Variants in STX11 observed in about 807,000 individuals in gnomAD.
The protein encoded by STX11 is syntaxin-11.
In STX11, 21 loss-of-function variants were observed where a neutral mutation model predicts 19.9. The observed-to-expected ratio is 1.06, with a 90% CI of 0.75 to 1.52. The LOEUF (loss-of-function observed/expected upper bound fraction) is 1.52. Among genes scored for constraint, STX11 ranks in the 40% most tolerant of loss-of-function variants. The pLI is 0.00. For synonymous variants in STX11, 193 were observed against 174.4 expected (o/e 1.11, Z -0.84); for missense variants, 438 against 405.9 (o/e 1.08, Z -0.68).
chr6:144,178,442 C>T (rs1801826982), intron 1 of STX11, among the ~76,000 whole-genome samples: 1 of 152,222 alleles, frequency 6.6e-6, no homozygotes. Context: ...CTACAGAAAG[C>T]ATCTGAAAGC....
Position 144,174,138 on chromosome 6 carries a change from A to G in STX11, c.-5-12485A>G, listed in dbSNP as rs1035045416. ...CTCGAGTACTGCTCAGCTGGGCATCATCTTCCTGCAGGCTAGCCCAGGCTT... is the reference window on the plus strand; with the variant it reads ...CTCGAGTACTGCTCAGCTGGGCATCGTCTTCCTGCAGGCTAGCCCAGGCTT... On this transcript the variant is annotated intron_variant, in intron 1 of 1. Coordinates refer to ENST00000367568, the MANE Select transcript of STX11 (RefSeq NM_003764.4). This position sits in a 1 kb window ranked among gnomAD's most constrained non-coding sequence, Gnocchi z 5.3. 6.6e-6 allele frequency among the ~76,000 whole-genome samples: 1 copy of G among 152,202 alleles called. No homozygotes were observed. Among genetic ancestry groups the G allele is most frequent in the Non-Finnish European group, 1.5e-5 (1 of 68,042 alleles).
Position 144,188,717 on chromosome 6 carries a change from TC to T in STX11, c.*1227del, listed in dbSNP as rs1173503567. On this transcript the variant is annotated 3_prime_UTR_variant, in exon 2 of 2. Coordinates refer to ENST00000367568, the MANE Select transcript of STX11 (RefSeq NM_003764.4). ...CTTTCTCAATTATTGTTAAAATTTTTCTTTTTCCTTTTTTTTTTTTTTTTTT... is the reference window on the plus strand; with the variant it reads ...CTTTCTCAATTATTGTTAAAATTTTTTTTTTCCTTTTTTTTTTTTTTTTTT... 6.7e-6 allele frequency among the ~76,000 whole-genome samples: 1 copy of T among 148,564 alleles called. No individual in the cohort carries two copies. Among genetic ancestry groups the T allele is most frequent in the African/African-American group, 2.5e-5 (1 of 39,534 alleles).
In STX11 at chr6:144,186,685, C is replaced by T. The variant is rs770639837; in HGVS notation, c.58C>T (p.Pro20Ser). 7 of 1,614,072 alleles carry T rather than the reference C, an allele frequency of 4.3e-6. No homozygotes were observed. The South Asian group carries it at 6.6e-5, about 15-fold the overall frequency. Residue 20 changes from proline (P) to serine (S), a missense_variant, in exon 2 of 2, where the codon CCA becomes TCA. Pro to Ser is a moderately conservative substitution (Grantham distance 74, BLOSUM62 -1). Coordinates refer to ENST00000367568, the MANE Select transcript of STX11 (RefSeq NM_003764.4). The stretch of plus-strand genomic sequence containing the variant: ...GTCCAAGCAATATGACCAGCAGTTC[C>T]CAGACGGGGACGATGAGTTTGACTC... Reference protein sequence around the residue: ...DLSKQYDQQFPDGDDEFDSPH... With the variant: ...DLSKQYDQQFSDGDDEFDSPH...
intron 1 of STX11, among the ~76,000 whole-genome samples, chr6:144,157,000 G>A (rs949205846): frequency 3.3e-5 from 5 of 152,204 alleles, no homozygotes; most frequent in Non-Finnish European, 5.9e-5. Flanking sequence ...GACCACCCAA[G>A]ATTGCCCAAG....
At chr6:144,163,299 G>A (rs772409042) in intron 1 of STX11, among the ~76,000 whole-genome samples, 7 of 152,032 alleles carry the variant, frequency 4.6e-5, no homozygotes, top group African/African-American at 9.7e-5. Context: ...TGGGCTAGGC[G>A]TCATGGCTTA....
Position 144,188,485 on chromosome 6 carries a change from G to A in STX11, c.*994G>A, listed in dbSNP as rs974109357. The A allele has an allele frequency of 4.5e-6, 1 of 220,152 alleles. No individual in the cohort carries two copies. The highest frequency in any genetic ancestry group is 5.9e-5 in the Admixed American group (1 of 16,856). The allele number at this position is 220,152 out of a possible 1,614,324, so 13.6% of individuals were successfully genotyped here. A position where few individuals can be genotyped will look rare whatever the true frequency, so the allele number is the denominator to read the frequency against. Reference sequence around the variant, plus strand: ...TAAACAACTCTGCATTGGTTATGGCGGTAGACATATGGCGGTAGAAAATGT... The same window carrying A: ...TAAACAACTCTGCATTGGTTATGGCAGTAGACATATGGCGGTAGAAAATGT... On this transcript the variant is annotated 3_prime_UTR_variant, in exon 2 of 2. Transcript: ENST00000367568.
chr6:144,164,513 A>G (rs1801426513), intron 1 of STX11, among the ~76,000 whole-genome samples: 1 of 152,236 alleles, frequency 6.6e-6, no homozygotes, highest in South Asian at 2.1e-4. Flanking sequence ...TTGGACATAT[A>G]AAAAGATATC....
chr6:144,153,633 A>G lies in STX11; in HGVS notation c.-6+2930A>G, dbSNP rs1801061517. On this transcript the variant is annotated intron_variant, in intron 1 of 1. Transcript: ENST00000367568. This position sits in a 1 kb window ranked among gnomAD's most constrained non-coding sequence, Gnocchi z 5.0. Reference sequence around the variant, plus strand: ...CAAAACTTGGAATTTTAAAAATCTTAGATTAGATGAGAGTGACATTGACCC... The same window carrying G: ...CAAAACTTGGAATTTTAAAAATCTTGGATTAGATGAGAGTGACATTGACCC... 6.6e-6 allele frequency among the ~76,000 whole-genome samples: 1 copy of G among 152,230 alleles called. No homozygotes were observed. The highest frequency in any genetic ancestry group is 2.4e-5 in the African/African-American group (1 of 41,462).
rs1294216988 is a variant in STX11 at position 144,177,282 on chromosome 6, T to G, written c.-5-9341T>G. On this transcript the variant is annotated intron_variant, in intron 1 of 1. Coordinates refer to ENST00000367568, the MANE Select transcript of STX11 (RefSeq NM_003764.4). This position sits in a 1 kb window ranked among gnomAD's most constrained non-coding sequence, Gnocchi z 4.4. ...TTAAACATAGATCTTTGCTGTATTT[T>G]CCAGGCAAAGTTTTGCTTCACATTC... Among the ~76,000 whole-genome samples the G allele has an allele frequency of 1.3e-5, 2 of 152,228 alleles. No homozygotes were observed. Among genetic ancestry groups the G allele is most frequent in the African/African-American group, 4.8e-5 (2 of 41,464 alleles).
intron 1 of STX11, among the ~76,000 whole-genome samples, chr6:144,173,997 A>C (rs1279761191): frequency 6.6e-6 from 1 of 152,210 alleles, no homozygotes; most frequent in Non-Finnish European, 1.5e-5. Flanking sequence ...GGTTTCAAAC[A>C]CAACGATTTA....
chr6:144,182,353 A>T lies in STX11; in HGVS notation c.-5-4270A>T, dbSNP rs1801929968. On this transcript the variant is annotated intron_variant, in intron 1 of 1. Coordinates refer to ENST00000367568, the MANE Select transcript of STX11 (RefSeq NM_003764.4). The surrounding 1 kb of genome is among the most constrained non-coding windows in gnomAD (Gnocchi z 4.8). ...GAGACCTTCTATGTCAGTGGAGACA[A>T]CTCATCCAAGGCTGGCTGAGCCAAG... Among the ~76,000 whole-genome samples the T allele has an allele frequency of 2.0e-5, 3 of 152,050 alleles. No individual in the cohort carries two copies. In the South Asian group the frequency reaches 6.2e-4, roughly 31 times the overall value.
rs1391101327 is a variant in STX11 at position 144,191,128 on chromosome 6, C to G, written c.*3637C>G. ...TCCTTCAGGAGCTGAAGGTAAGAATCTTTTATAGCTATTTTAACATATACA... is the reference window on the plus strand; with the variant it reads ...TCCTTCAGGAGCTGAAGGTAAGAATGTTTTATAGCTATTTTAACATATACA... On this transcript the variant is annotated 3_prime_UTR_variant, in exon 2 of 2. Transcript: ENST00000367568. Among the ~76,000 whole-genome samples the G allele has an allele frequency of 6.6e-6, 1 of 151,416 alleles. No individual in the cohort carries two copies. Among genetic ancestry groups the G allele is most frequent in the African/African-American group, 2.4e-5 (1 of 41,116 alleles).
chr6:144,174,131 G>A lies in STX11; in HGVS notation c.-5-12492G>A, dbSNP rs1801715040. 6.6e-6 allele frequency among the ~76,000 whole-genome samples: 1 copy of A among 152,164 alleles called. No individual in the cohort carries two copies. The highest frequency in any genetic ancestry group is 1.5e-5 in the Non-Finnish European group (1 of 68,022). ...GCTCAGCCTCGAGTACTGCTCAGCT[G>A]GGCATCATCTTCCTGCAGGCTAGCC... On this transcript the variant is annotated intron_variant, in intron 1 of 1. Transcript: ENST00000367568. This position sits in a 1 kb window ranked among gnomAD's most constrained non-coding sequence, Gnocchi z 5.3.
At position 144,161,696 on chromosome 6, in the gene STX11, T is replaced by C. The variant is rs537786547; in HGVS notation, c.-6+10993T>C. 6.6e-5 allele frequency among the ~76,000 whole-genome samples: 10 copies of C among 152,234 alleles called. No homozygotes were observed. In the South Asian group the frequency reaches 1.5e-3, roughly 22 times the overall value. ...AAATTTCTTAAGTTATTAACTGCCT[T>C]TTGCTGGAACTTCAAGTGCTATGGA... On this transcript the variant is annotated intron_variant, in intron 1 of 1. Transcript: ENST00000367568.
intron 1 of STX11, among the ~76,000 whole-genome samples, chr6:144,173,593 G>C (rs6940484): frequency 4.6e-5 from 7 of 151,840 alleles, no homozygotes; most frequent in Admixed American, 4.6e-4. Flanking sequence ...TGTCTCTATC[G>C]TGCAGAACTT....
chr6:144,180,379 C>T lies in STX11; in HGVS notation c.-5-6244C>T, dbSNP rs1801880561. Among the ~76,000 whole-genome samples, 1 of 152,146 alleles carries T rather than the reference C, an allele frequency of 6.6e-6. No homozygotes were observed. The highest frequency in any genetic ancestry group is 1.5e-5 in the Non-Finnish European group (1 of 68,026). On this transcript the variant is annotated intron_variant, in intron 1 of 1. Coordinates refer to ENST00000367568, the MANE Select transcript of STX11 (RefSeq NM_003764.4). This position sits in a 1 kb window ranked among gnomAD's most constrained non-coding sequence, Gnocchi z 5.3. Reference sequence around the variant, plus strand: ...TATGTGTGATATGGTTTGGCTGTGTCCCCACCAAATCTCAACTTGAATTGT... The same window carrying T: ...TATGTGTGATATGGTTTGGCTGTGTTCCCACCAAATCTCAACTTGAATTGT...
At chr6:144,171,231 C>T (rs1425496706) in intron 1 of STX11, among the ~76,000 whole-genome samples, 1 of 152,164 alleles carries the variant, frequency 6.6e-6, no homozygotes, top group Non-Finnish European at 1.5e-5. Context: ...TAAACTGATT[C>T]TACAGCTCTG....
rs60634096 is a variant in STX11 at position 144,190,277 on chromosome 6, T to C, written c.*2786T>C. 0.01 allele frequency among the ~76,000 whole-genome samples: 1,563 copies of C among 152,324 alleles called. 44 individuals are homozygous for C. The highest frequency in any genetic ancestry group is 0.1 in the East Asian group (520 of 5,176). ...TAGCTGTCTGACTGAACCTTGGTTT[T>C]TCTGTGCTTCAGTTTCCTCATCTGT... On this transcript the variant is annotated 3_prime_UTR_variant, in exon 2 of 2. Transcript: ENST00000367568.
Position 144,186,653 on chromosome 6 carries a change from T to A in STX11, c.26T>A (p.Leu9Gln). 1 of 1,614,122 alleles carries A rather than the reference T, an allele frequency of 6.2e-7. No individual in the cohort carries two copies. The highest frequency in any genetic ancestry group is 8.5e-7 in the Non-Finnish European group (1 of 1,180,026). Residue 9 changes from leucine (L) to glutamine (Q), a missense_variant, in exon 2 of 2, where the codon CTG (leucine) becomes CAG (glutamine). Coordinates refer to ENST00000367568, the MANE Select transcript of STX11 (RefSeq NM_003764.4). ...ATGAAAGACCGGCTAGCAGAACTTC[T>A]GGACTTGTCCAAGCAATATGACCAG... is the stretch of plus-strand genomic sequence containing the variant. The part of the protein sequence containing the change: MKDRLAEL[L>Q]DLSKQYDQQF...
Sources: gnomAD v4.1 joint callset for allele counts (sites outside exome capture counted in the v4.1 genomes callset) on GRCh38, gnomAD v4.1.1 for gene constraint, Gnocchi (gnomAD v3.1) non-coding constraint, MANE v1.5 for transcripts, NCBI Gene and HGNC (gene_info 2026-07-23, HGNC 2026-07-21) for gene names.